TSPAN1: variants seen among roughly 807,000 people sequenced by gnomAD.
The protein encoded by TSPAN1 is tetraspanin 1.
Under a neutral mutation model 26.9 loss-of-function variants are expected in TSPAN1, and 23 were observed. The observed-to-expected ratio is 0.85, with a 90% CI of 0.62 to 1.21. The LOEUF (loss-of-function observed/expected upper bound fraction) is 1.21, where lower values mean the gene tolerates loss of function less well. TSPAN1 is among the 50% of genes most tolerant of loss of function. The pLI is 0.00. For missense variants in TSPAN1, 283 were observed against 298.4 expected (o/e 0.95, Z 0.38); for synonymous variants, 115 against 114.8 (o/e 1.00, Z -0.01).
downstream of TSPAN1, chr1:46,188,829 T>C (rs34973347): frequency 3.8e-5 from 61 of 1,612,770 alleles, no homozygotes; most frequent in Non-Finnish European, 4.7e-5. Flanking sequence ...GCTGGGCCTG[T>C]CCATGGGTTG....
At chr1:46,194,908 C>T in the TSPAN1 span, 4 of 1,614,058 alleles carry the variant, frequency 2.5e-6, no homozygotes, top group East Asian at 8.9e-5. Context: ...CCTGGCTGCC[C>T]AGGCTCCTCA....
chr1:46,194,156 T>C, the TSPAN1 span: 1 of 1,587,974 alleles, frequency 6.3e-7, no homozygotes, highest in Non-Finnish European at 8.6e-7. Context: ...GCAGTGTAAA[T>C]CCTGCCCCTG....
intron 2 of TSPAN1, 45 bp from the exon 3 acceptor site, chr1:46,181,055 G>A (rs1657304481): frequency 5.0e-6 from 8 of 1,586,352 alleles, no homozygotes; most frequent in Non-Finnish European, 6.1e-6. Flanking sequence ...GCCCAGGTGG[G>A]CCCAGGGGAA....
chr1:46,180,978 T>G (rs1435450291), intron 2 of TSPAN1, 122 bp from the exon 3 acceptor site: 1 of 767,266 alleles, frequency 1.3e-6, no homozygotes, highest in Admixed American at 2.3e-5. Flanking sequence ...CAGGAGAAGC[T>G]TGGTGAGATA....
At chr1:46,180,956 T>G in intron 2 of TSPAN1, 144 bp from the exon 3 acceptor site, 1 of 677,056 alleles carries the variant, frequency 1.5e-6, no homozygotes, top group Non-Finnish European at 2.6e-6. Flanking sequence ...AAGGTCTGTG[T>G]CAGACCAGGT....
chr1:46,193,123 T>C, the TSPAN1 span: 12 of 1,612,782 alleles, frequency 7.4e-6, no homozygotes, highest in Non-Finnish European at 9.3e-6. Flanking sequence ...CCAGACCTTA[T>C]GCCCATGTTT....
chr1:46,176,670 C>T (rs952104287), intron 1 of TSPAN1, among the ~76,000 whole-genome samples: 2 of 152,254 alleles, frequency 1.3e-5, no homozygotes, highest in Non-Finnish European at 2.9e-5. Context: ...GCCAGACAGC[C>T]TCAGTTTGGC....
chr1:46,191,979 T>C, the TSPAN1 span: 505,070 of 1,430,214 alleles, frequency 0.35, 91,057 homozygotes, highest in South Asian at 0.45. Context: ...AAAAATAGGA[T>C]AGCTCTTTCC....
chr1:46,189,677 G>C, downstream of TSPAN1: 1 of 1,545,354 alleles, frequency 6.5e-7, no homozygotes. Flanking sequence ...ACCTCAATTT[G>C]TAAGAGATAG....
At chr1:46,189,805 T>A, downstream of TSPAN1, 1 of 1,611,494 alleles carries the variant, frequency 6.2e-7, no homozygotes, top group Non-Finnish European at 8.5e-7. Flanking sequence ...TGGGGCAGTA[T>A]GTGTGTGAGG....
chr1:46,176,297 C>A (rs776907984), intron 1 of TSPAN1: 2 of 1,535,810 alleles, frequency 1.3e-6, no homozygotes, highest in South Asian at 2.4e-5. Context: ...GCCCTGGTGG[C>A]AGGATTGATG....
the TSPAN1 span, chr1:46,193,785 T>C: frequency 6.2e-7 from 1 of 1,604,884 alleles, no homozygotes; most frequent in South Asian, 1.1e-5. Flanking sequence ...ACCTCAAGAG[T>C]TCCTCCTGGA....
At chr1:46,190,097 C>CTT (rs946195454), downstream of TSPAN1, 8,265 of 800,192 alleles carry the variant, frequency 0.01, 1 homozygote, top group South Asian at 0.019. Flanking sequence ...CCTTGAAGTT[C>CTT]TTTTTTTTTT....
chr1:46,185,457 C>T (rs1171762559), intron 8 of TSPAN1, 29 bp from the exon 9 acceptor site: 1 of 1,614,002 alleles, frequency 6.2e-7, no homozygotes. Flanking sequence ...ATCATGTTCC[C>T]TCATCTCTCC....
intron 1 of TSPAN1, 154 bp downstream of exon 1, chr1:46,175,563 T>C (rs1657113725): frequency 2.5e-6 from 1 of 398,606 alleles, no homozygotes. Context: ...AAACCAAGCT[T>C]CTGGGCTAGC....
chr1:46,187,056 C>T (rs1657449594), downstream of TSPAN1, among the ~76,000 whole-genome samples: 1 of 152,234 alleles, frequency 6.6e-6, no homozygotes, highest in South Asian at 2.1e-4. Context: ...GATCCACATG[C>T]CTCAGCCTCC....
chr1:46,193,624 C>G, the TSPAN1 span: 1 of 1,614,082 alleles, frequency 6.2e-7, no homozygotes, highest in African/African-American at 1.3e-5. Context: ...GGGCTGAAAG[C>G]AGAGAGCGCA....
intron 1 of TSPAN1, chr1:46,176,515 C>T (rs1212514605): frequency 2.0e-6 from 3 of 1,531,690 alleles, no homozygotes; most frequent in African/African-American, 1.4e-5. Context: ...GTGCTGTTGG[C>T]CAGGGTAGCT....
downstream of TSPAN1, chr1:46,189,347 G>A (rs771922809): frequency 1.2e-6 from 2 of 1,613,756 alleles, no homozygotes; most frequent in Admixed American, 1.7e-5. Context: ...ACTGAGGGTG[G>A]CTTCTTCACT....
Sources: gnomAD v4.1 joint callset for allele counts (sites outside exome capture counted in the v4.1 genomes callset) on GRCh38, gnomAD v4.1.1 for gene constraint, MANE v1.5 for transcripts, NCBI Gene and HGNC (gene_info 2026-07-23, HGNC 2026-07-21) for gene names.